PRKAR2A: variants seen among roughly 807,000 people sequenced by gnomAD.
The protein encoded by PRKAR2A is protein kinase cAMP-dependent type II regulatory subunit alpha, also known as cAMP-dependent protein kinase type II-alpha regulatory subunit.
Under a neutral mutation model 51.9 loss-of-function variants are expected in PRKAR2A, and 29 were observed. That is an observed-to-expected ratio of 0.56 (90% CI 0.42 to 0.76). PRKAR2A has a LOEUF of 0.76. PRKAR2A is among the 30% of genes least tolerant of loss of function. The pLI is 0.00. For synonymous variants in PRKAR2A, 178 were observed against 186.2 expected (o/e 0.96, Z 0.36); for missense variants, 445 against 512.1 (o/e 0.87, Z 1.26).
chr3:48,829,861 ATATATATATATTTTTT>A (rs2083154579), intron 1 of PRKAR2A, among the ~76,000 whole-genome samples: 1 of 82,562 alleles, frequency 1.2e-5, no homozygotes, highest in Non-Finnish European at 2.1e-5. Context: ...ATATATATAT[ATATATATATATTTTTT>A]TTTTTTTTTT....
At chr3:48,785,908 T>C (rs1276670132) in intron 4 of PRKAR2A, among the ~76,000 whole-genome samples, 3 of 152,188 alleles carry the variant, frequency 2.0e-5, no homozygotes, top group African/African-American at 7.2e-5. Flanking sequence ...GGTATTCATG[T>C]TATTATTCTT....
chr3:48,839,400 TAAA>T (rs201427924), intron 1 of PRKAR2A, among the ~76,000 whole-genome samples: 5 of 117,244 alleles, frequency 4.3e-5, no homozygotes, highest in Admixed American at 3.5e-4. Flanking sequence ...AGCTGTTACC[TAAA>T]AAAAAAAAAA....
intron 1 of PRKAR2A, among the ~76,000 whole-genome samples, chr3:48,818,584 T>C (rs2082909144): frequency 6.6e-6 from 1 of 151,752 alleles, no homozygotes; most frequent in African/African-American, 2.4e-5. Context: ...ACCCTGTCTC[T>C]ACAAAAAAAA....
chr3:48,825,381 A>T (rs2083046439), intron 1 of PRKAR2A, among the ~76,000 whole-genome samples: 1 of 152,192 alleles, frequency 6.6e-6, no homozygotes, highest in Non-Finnish European at 1.5e-5. Flanking sequence ...CACAGACACG[A>T]TCCACATGTC....
intron 8 of PRKAR2A, among the ~76,000 whole-genome samples, chr3:48,764,415 T>G (rs1324151080): frequency 6.6e-6 from 1 of 152,098 alleles, no homozygotes; most frequent in Admixed American, 6.6e-5. Context: ...CCCCAGGTTC[T>G]AATAGCAATG....
At chr3:48,778,687 T>C (rs2082142451) in intron 5 of PRKAR2A, among the ~76,000 whole-genome samples, 1 of 151,638 alleles carries the variant, frequency 6.6e-6, no homozygotes, top group South Asian at 2.1e-4. Flanking sequence ...GCCCAGCTAA[T>C]TTTTTTATTT....
At chr3:48,774,731 G>A (rs1008575861) in intron 5 of PRKAR2A, among the ~76,000 whole-genome samples, 1 of 152,122 alleles carries the variant, frequency 6.6e-6, no homozygotes, top group Non-Finnish European at 1.5e-5. Flanking sequence ...CAACCTCCAT[G>A]TGGCTACAAA....
In PRKAR2A at chr3:48,750,214, T is replaced by C. The variant is rs1185601709; in HGVS notation, c.*1371A>G. 1 of 151,884 alleles carries C rather than the reference T, an allele frequency of 6.6e-6. No individual in the cohort carries two copies. The highest frequency in any genetic ancestry group is 1.5e-5 in the Non-Finnish European group (1 of 67,994). 9.4% of individuals were successfully genotyped at this position (151,884 alleles called of 1,614,324 possible). On this transcript the variant is annotated 3_prime_UTR_variant, in exon 11 of 11. Coordinates refer to ENST00000265563, the MANE Select transcript of PRKAR2A (RefSeq NM_004157.4). ...CCCTGTCTCTATTAAAAATACAAAA[T>C]TCGCCCGGCATGGTGGCGCATGCCT... is the stretch of plus-strand genomic sequence containing the variant.
Position 48,751,738 on chromosome 3 carries a change from T to G in PRKAR2A, c.1082-20A>C. ...CCATAACTGCATTGTTAAAAAGAGG[T>G]GAGGGAGAGAATGAATTCAAGCCAT... On this transcript the variant is annotated intron_variant, in intron 10 of 10. Coordinates refer to ENST00000265563, the MANE Select transcript of PRKAR2A (RefSeq NM_004157.4). 6.3e-7 allele frequency: 1 copy of G among 1,596,768 alleles called. No homozygotes were observed. Among genetic ancestry groups the G allele is most frequent in the Non-Finnish European group, 8.6e-7 (1 of 1,167,140 alleles).
Position 48,752,249 on chromosome 3 carries a change from A to G in PRKAR2A, c.1008T>C (p.Phe336=), listed in dbSNP as rs1404937248. 1.2e-6 allele frequency: 2 copies of G among 1,614,232 alleles called. No individual in the cohort carries two copies. The highest frequency in any genetic ancestry group is 1.1e-5 in the South Asian group (1 of 91,084). Residue 336 remains phenylalanine (F), a synonymous_variant, in exon 10 of 11, where the codon TTT becomes TTC. Transcript: ENST00000265563. Reference sequence around the variant, plus strand: ...TGTTGGTGACCAGGGCAAGCTCTCCAAAGTACTGCCCCTTATGGCAGCGGG... The same window carrying G: ...TGTTGGTGACCAGGGCAAGCTCTCCGAAGTACTGCCCCTTATGGCAGCGGG... The part of the protein sequence containing the change: ...EIARCHKGQY[F]GELALVTNKP...
intron 2 of PRKAR2A, among the ~76,000 whole-genome samples, chr3:48,802,100 G>C (rs1003228635): frequency 2.6e-5 from 4 of 152,092 alleles, no homozygotes; most frequent in African/African-American, 9.7e-5. Flanking sequence ...GTAGAGATGG[G>C]GTTTCACGAT....
chr3:48,844,874 A>G (rs943558499), intron 1 of PRKAR2A, among the ~76,000 whole-genome samples: 7 of 150,500 alleles, frequency 4.7e-5, no homozygotes, highest in African/African-American at 1.7e-4. Context: ...AGATATACCT[A>G]ATGCTAAATG....
At position 48,791,043 on chromosome 3, in the gene PRKAR2A, C is replaced by T. The variant is rs546837983; in HGVS notation, c.352-416G>A. 2.8e-3 allele frequency among the ~76,000 whole-genome samples: 430 copies of T among 152,186 alleles called. 7 individuals carry two copies. In the Middle Eastern group the frequency reaches 0.037, roughly 13 times the overall value. On this transcript the variant is annotated intron_variant, in intron 3 of 10. Coordinates refer to ENST00000265563, the MANE Select transcript of PRKAR2A (RefSeq NM_004157.4). Reference sequence around the variant, plus strand: ...GTGGCTCATGCCTGTAATCCCAACACTTTGGGAGGCCGAGGCAGGCAGATC... The same window carrying T: ...GTGGCTCATGCCTGTAATCCCAACATTTTGGGAGGCCGAGGCAGGCAGATC...
chr3:48,838,588 C>CAG (rs1575958403), intron 1 of PRKAR2A, among the ~76,000 whole-genome samples: 1 of 147,372 alleles, frequency 6.8e-6, no homozygotes, highest in East Asian at 2.0e-4. Context: ...GCCTGAGCAA[C>CAG]AGAGAGAGAC....
chr3:48,821,850 G>A (rs1005504264), intron 1 of PRKAR2A, among the ~76,000 whole-genome samples: 1 of 151,486 alleles, frequency 6.6e-6, no homozygotes, highest in African/African-American at 2.4e-5. Flanking sequence ...GGGAGGTGAA[G>A]GTTGCAGTGA....
At chr3:48,767,910 C>T (rs182691024) in intron 6 of PRKAR2A, among the ~76,000 whole-genome samples, 29 of 149,608 alleles carry the variant, frequency 1.9e-4, no homozygotes, top group Non-Finnish European at 2.5e-4. Context: ...GGAGACAGAG[C>T]GAGACTCCAT....
chr3:48,768,330 T>TAGATAGATAGACAGACAGAC (rs1553666203), intron 6 of PRKAR2A, among the ~76,000 whole-genome samples: 22 of 150,742 alleles, frequency 1.5e-4, no homozygotes, highest in African/African-American at 5.4e-4. Flanking sequence ...GATAGATAGA[T>TAGATAGATAGACAGACAGAC]AGATAGATAG....
chr3:48,756,788 T>G (rs1336338196), intron 8 of PRKAR2A, among the ~76,000 whole-genome samples: 2 of 152,334 alleles, frequency 1.3e-5, no homozygotes, highest in East Asian at 3.9e-4. Flanking sequence ...TTATTACTCA[T>G]GCACTCTCAC....
Position 48,747,041 on chromosome 3 carries a change from CTTTTTTTTTTTTTT to C in PRKAR2A, c.*4530_*4543del, listed in dbSNP as rs11358464. The C allele has an allele frequency of 1.1e-5, 1 of 88,370 alleles. No homozygotes were observed. The highest frequency in any genetic ancestry group is 4.4e-5 in the African/African-American group (1 of 22,742). The allele number at this position is 88,370 out of a possible 1,614,324, so 5.5% of individuals were successfully genotyped here. A position where few individuals can be genotyped will look rare whatever the true frequency, so the allele number is the denominator to read the frequency against. On this transcript the variant is annotated 3_prime_UTR_variant, in exon 11 of 11. Coordinates refer to ENST00000265563, the MANE Select transcript of PRKAR2A (RefSeq NM_004157.4). Reference sequence around the variant, plus strand: ...CATGAGGTTAGTGACAGTTCTTGTCCTTTTTTTTTTTTTTTTTTTTTTTTTTAAAGTATAAAGAT... The same window carrying C: ...CATGAGGTTAGTGACAGTTCTTGTCCTTTTTTTTTTTTAAAGTATAAAGAT...
Sources: allele counts gnomAD v4.1 joint callset (sites outside exome capture counted in the v4.1 genomes callset), GRCh38; gene constraint gnomAD v4.1.1; transcripts MANE v1.5; gene names NCBI Gene and HGNC (gene_info 2026-07-23, HGNC 2026-07-21).